EPHA3: variants seen among roughly 807,000 people sequenced by gnomAD.
The protein encoded by EPHA3 is ephrin type-A receptor 3.
In EPHA3, 42 loss-of-function variants were observed where a neutral mutation model predicts 107.1. The ratio of observed to expected loss-of-function variants is 0.39; its 90% CI spans 0.31 to 0.51. The LOEUF is 0.51. EPHA3 is among the 20% of genes least tolerant of loss of function. The pLI is 0.78. For synonymous variants in EPHA3, 461 were observed against 424.8 expected (o/e 1.09, Z -1.05); for missense variants, 1,183 against 1,211.2 (o/e 0.98, Z 0.35).
intron 5 of EPHA3, 112 bp from the exon 6 acceptor site, chr3:89,395,725 A>G (rs1708836208): frequency 1.5e-6 from 2 of 1,309,106 alleles, no homozygotes; most frequent in Non-Finnish European, 2.1e-6. Flanking sequence ...AAAAACTGGA[A>G]CAATGATAGA....
chr3:89,318,525 C>T (rs1312803331), intron 3 of EPHA3, among the ~76,000 whole-genome samples: 1 of 151,760 alleles, frequency 6.6e-6, no homozygotes. Context: ...TATCCTGGCC[C>T]TCAATCATTT....
chr3:89,302,638 C>G (rs1706518477), intron 3 of EPHA3, among the ~76,000 whole-genome samples: 1 of 152,070 alleles, frequency 6.6e-6, no homozygotes, highest in Non-Finnish European at 1.5e-5. Context: ...TAATACCCTT[C>G]TCTCCACATG....
chr3:89,168,612 T>C (rs1299105487), intron 2 of EPHA3, among the ~76,000 whole-genome samples: 1 of 151,898 alleles, frequency 6.6e-6, no homozygotes, highest in African/African-American at 2.4e-5. Flanking sequence ...TAGAGTTTAG[T>C]ATATTATATC....
At chr3:89,143,038 G>A (rs1340485870) in intron 2 of EPHA3, among the ~76,000 whole-genome samples, 1 of 150,800 alleles carries the variant, frequency 6.6e-6, no homozygotes, top group Admixed American at 6.6e-5. Flanking sequence ...ATTATTTATA[G>A]AATATTCTAT....
intron 1 of EPHA3, among the ~76,000 whole-genome samples, chr3:89,116,085 A>C (rs565652635): frequency 6.6e-6 from 1 of 152,258 alleles, no homozygotes; most frequent in South Asian, 2.1e-4. Context: ...TAAGAAACTA[A>C]GTTAAAGGAA....
rs1706238829 is a variant in EPHA3, at chr3:89,210,210, T to G, written c.504T>G (p.Ile168Met). 6.2e-7 allele frequency: 1 copy of G among 1,614,038 alleles called. No homozygotes were observed. Among genetic ancestry groups the G allele is most frequent in the African/African-American group, 1.3e-5 (1 of 75,026 alleles). ...GTATTCTGAAGCTCAACACTGAGAT[T>G]AGAGAAGTAGGTCCTGTCAACAAGA... ...GDRILKLNTE[I>M]REVGPVNKKG... The change falls in exon 3 of 17, where the codon ATT becomes ATG. Residue 168 changes from isoleucine (I) to methionine (M), a missense_variant. Coordinates refer to ENST00000336596, the MANE Select transcript of EPHA3 (RefSeq NM_005233.6).
chr3:89,459,962 T>G (rs1467678346), intron 15 of EPHA3, among the ~76,000 whole-genome samples: 1 of 152,220 alleles, frequency 6.6e-6, no homozygotes, highest in Non-Finnish European at 1.5e-5. Flanking sequence ...CATTTATTTT[T>G]TAAAAACATA....
chr3:89,429,321 G>A (rs1198116564), intron 12 of EPHA3, among the ~76,000 whole-genome samples, 154 bp downstream of exon 12: 3 of 152,116 alleles, frequency 2.0e-5, no homozygotes, highest in Non-Finnish European at 4.4e-5. Context: ...CTGTAAAATT[G>A]CATCTTTTTT....
chr3:89,210,462 A>G lies in EPHA3; in HGVS notation c.756A>G (p.Val252=). Reference sequence around the variant, plus strand: ...GCAGTACAGAAGGCGAATGGCTTGTACCCATTGGCAAGTGTTCCTGCAATG... The same window carrying G: ...GCAGTACAGAAGGCGAATGGCTTGTGCCCATTGGCAAGTGTTCCTGCAATG... ...MYCSTEGEWL[V]PIGKCSCNAG... Residue 252 remains valine, a synonymous_variant, in exon 3 of 17, where the codon GTA becomes GTG. Coordinates refer to ENST00000336596, the MANE Select transcript of EPHA3 (RefSeq NM_005233.6). 6.3e-7 allele frequency: 1 copy of G among 1,594,314 alleles called. No homozygotes were observed. The highest frequency in any genetic ancestry group is 8.5e-7 in the Non-Finnish European group (1 of 1,172,938).
intron 16 of EPHA3, among the ~76,000 whole-genome samples, chr3:89,472,953 A>G (rs925703789): frequency 6.6e-6 from 1 of 152,186 alleles, no homozygotes; most frequent in African/African-American, 2.4e-5. Flanking sequence ...ACATAGATTG[A>G]TGATTATTAT....
At chr3:89,314,204 C>T (rs975261378) in intron 3 of EPHA3, among the ~76,000 whole-genome samples, 4 of 151,808 alleles carry the variant, frequency 2.6e-5, no homozygotes, top group Non-Finnish European at 5.9e-5. Flanking sequence ...AATTTAGTTG[C>T]TATCTTCACC....
chr3:89,157,682 T>C (rs1704837056), intron 2 of EPHA3, among the ~76,000 whole-genome samples: 1 of 151,964 alleles, frequency 6.6e-6, no homozygotes, highest in African/African-American at 2.4e-5. Flanking sequence ...GGGCTGATGA[T>C]GTATGTATAT....
chr3:89,466,117 G>C (rs760407767), intron 15 of EPHA3, among the ~76,000 whole-genome samples: 1 of 19,838 alleles, frequency 5.0e-5, no homozygotes, highest in Non-Finnish European at 9.9e-5. Flanking sequence ...GCCCCTGCTG[G>C]GGGGTGCCTC....
chr3:89,331,262 G>A (rs540209383), intron 3 of EPHA3, among the ~76,000 whole-genome samples: 48 of 152,074 alleles, frequency 3.2e-4, no homozygotes, highest in East Asian at 5.8e-4. Context: ...GAACCTTTTC[G>A]TTTTTAAGTT....
At chr3:89,392,226 G>A (rs1708758233) in intron 5 of EPHA3, among the ~76,000 whole-genome samples, 1 of 152,108 alleles carries the variant, frequency 6.6e-6, no homozygotes, top group African/African-American at 2.4e-5. Flanking sequence ...GATCAACTGA[G>A]ATCAGGAGTT....
intron 3 of EPHA3, among the ~76,000 whole-genome samples, chr3:89,256,617 T>A (rs564610158): frequency 6.7e-6 from 1 of 149,282 alleles, no homozygotes; most frequent in South Asian, 2.1e-4. Flanking sequence ...ATAAATAAAA[T>A]TCTATGGTCT....
intron 3 of EPHA3, among the ~76,000 whole-genome samples, chr3:89,226,356 C>A (rs1470782122): frequency 6.6e-6 from 1 of 152,076 alleles, no homozygotes; most frequent in African/African-American, 2.4e-5. Context: ...CTAACAAGTA[C>A]TTTATAAGTG....
intron 3 of EPHA3, among the ~76,000 whole-genome samples, chr3:89,307,075 G>T (rs1706641516): frequency 6.6e-6 from 1 of 152,058 alleles, no homozygotes; most frequent in Admixed American, 6.6e-5. Context: ...ATTACTTTTT[G>T]CTAGGTTTCA....
intron 16 of EPHA3, among the ~76,000 whole-genome samples, chr3:89,473,986 TTTAAGTATTATCATCTCCCACTAATA>T (rs1266869790): frequency 2.0e-5 from 3 of 152,248 alleles, no homozygotes; most frequent in Admixed American, 2.0e-4. Flanking sequence ...GTCCCCCAAG[TTTAAGTATTATCATCTCCCACTAATA>T]TTTAAATATT....
Sources: gnomAD v4.1 joint callset for allele counts (sites outside exome capture counted in the v4.1 genomes callset) on GRCh38, gnomAD v4.1.1 for gene constraint, MANE v1.5 for transcripts, NCBI Gene and HGNC (gene_info 2026-07-23, HGNC 2026-07-21) for gene names.